Variants in SAFB2 observed in about 807,000 individuals in gnomAD.
SAFB2 encodes the protein scaffold attachment factor B2.
SAFB2 carries 32 observed loss-of-function variants against 100.6 expected under a neutral mutation model. The observed-to-expected ratio is 0.32, with a 90% CI of 0.24 to 0.43. The LOEUF is 0.43. Ranked by LOEUF, SAFB2 falls within the 20% of genes least tolerant of loss-of-function variation. The probability of loss-of-function intolerance (pLI) is 1.00; values close to 1 mark genes in which losing one functional copy is unlikely to be tolerated. For missense variants in SAFB2, 1,185 were observed against 1,163.4 expected (o/e 1.02, Z -0.27); for synonymous variants, 500 against 439.4 (o/e 1.14, Z -1.72).
Position 5,592,886 on chromosome 19 carries a change from G to A in SAFB2, c.2209C>T (p.Arg737Ter), listed in dbSNP as rs980991448. ...CCTTCTGGCCAATAGGCATCATCTC[G>A]TCTGTTGGTTTTTATTTTAAAAGAA... Reference protein sequence around the residue: ...PGRRPYDLDRRDDAYWPEGKR... With the variant: ...PGRRPYDLDR Residue 737 changes from arginine (R) to a stop codon, truncating the protein, a stop_gained and splice_region_variant, in exon 16 of 21, where the codon CGA becomes TGA. Coordinates refer to ENST00000252542, the MANE Select transcript of SAFB2 (RefSeq NM_014649.3). LOFTEE classifies it high-confidence loss of function. 2 of 1,613,750 alleles carry A rather than the reference G, an allele frequency of 1.2e-6. No individual in the cohort carries two copies. The highest frequency in any genetic ancestry group is 2.2e-5 in the East Asian group (1 of 44,866).
rs1263125574 is a variant in SAFB2 at position 5,598,888 on chromosome 19, C to T, written c.1691-4G>A. 2 of 1,613,724 alleles carry T rather than the reference C, an allele frequency of 1.2e-6. No homozygotes were observed. Among genetic ancestry groups the T allele is most frequent in the Non-Finnish European group, 1.7e-6 (2 of 1,179,912 alleles). On this transcript the variant is annotated splice_polypyrimidine_tract_variant and splice_region_variant and intron_variant, in intron 12 of 20. Transcript: ENST00000252542. ...GTCCGCTCCATTCCTCTGCTTCCTTCAGGAAAAAACACAACAAACTATCAA... is the reference window on the plus strand; with the variant it reads ...GTCCGCTCCATTCCTCTGCTTCCTTTAGGAAAAAACACAACAAACTATCAA...
chr19:5,597,699 C>T (rs1317402936), intron 13 of SAFB2, among the ~76,000 whole-genome samples: 3 of 152,182 alleles, frequency 2.0e-5, no homozygotes, highest in Non-Finnish European at 4.4e-5. Context: ...TACTTGTTTT[C>T]AACATCACAG....
At chr19:5,590,210 G>A in intron 18 of SAFB2, 68 bp downstream of exon 18, 1 of 1,349,992 alleles carries the variant, frequency 7.4e-7, no homozygotes, top group Non-Finnish European at 9.8e-7. Flanking sequence ...GGACGTGCCT[G>A]GCCAGGCACC....
intron 9 of SAFB2, among the ~76,000 whole-genome samples, chr19:5,607,553 GC>G (rs2052803040): frequency 6.6e-6 from 1 of 152,106 alleles, no homozygotes; most frequent in Admixed American, 6.6e-5. Context: ...GAGCAAATAA[GC>G]CATCAGTCAT....
chr19:5,619,098 G>T (rs1042661552), intron 2 of SAFB2, among the ~76,000 whole-genome samples: 4 of 152,220 alleles, frequency 2.6e-5, no homozygotes, highest in Non-Finnish European at 5.9e-5. Context: ...CATAGTGCTT[G>T]AAACGAAAAT....
intron 9 of SAFB2, among the ~76,000 whole-genome samples, chr19:5,609,772 C>A (rs145980222): frequency 6.6e-6 from 1 of 152,208 alleles, no homozygotes; most frequent in Non-Finnish European, 1.5e-5. Context: ...AAACAAGGTG[C>A]ACTGCACAAG....
chr19:5,588,664 C>G (rs2052318957), intron 18 of SAFB2, among the ~76,000 whole-genome samples: 1 of 152,094 alleles, frequency 6.6e-6, no homozygotes, highest in African/African-American at 2.4e-5. Context: ...CAAGAAATGA[C>G]TCAAGACGGC....
chr19:5,618,411 C>T (rs752452115), intron 2 of SAFB2, among the ~76,000 whole-genome samples: 2 of 152,100 alleles, frequency 1.3e-5, no homozygotes, highest in African/African-American at 4.8e-5. Context: ...GGGTCTACAC[C>T]TCAAGAGTCT....
At chr19:5,593,836 T>C (rs1568209001) in intron 15 of SAFB2, 55 bp downstream of exon 15, 1 of 1,390,216 alleles carries the variant, frequency 7.2e-7, no homozygotes, top group East Asian at 2.9e-5. Flanking sequence ...GCTGGAAGGG[T>C]GAACACCGCT....
intron 2 of SAFB2, 92 bp from the exon 3 acceptor site, chr19:5,616,578 A>G: frequency 9.5e-7 from 1 of 1,053,378 alleles, no homozygotes; most frequent in Non-Finnish European, 1.5e-6. Flanking sequence ...AGAACAGAAC[A>G]CATTACAAGA....
rs1007455220 is a variant in SAFB2, at chr19:5,616,649, T to C, written c.275-163A>G. 5.4e-5 allele frequency among the ~76,000 whole-genome samples: 7 copies of C among 129,822 alleles called. No individual in the cohort carries two copies. The South Asian group carries it at 8.4e-4, about 16-fold the overall frequency. 85.2% of individuals were successfully genotyped at this position (129,822 alleles called of 152,430 possible). On this transcript the variant is annotated intron_variant, in intron 2 of 20. Transcript: ENST00000252542. ...TTTTGTCTCAATTTGTTTTCTTTTT[T>C]TTTTTTTTTTTTTTTTTTTTGAGAT...
chr19:5,615,780 A>G (rs571149545), intron 4 of SAFB2, among the ~76,000 whole-genome samples: 1 of 152,358 alleles, frequency 6.6e-6, no homozygotes, highest in Non-Finnish European at 1.5e-5. Flanking sequence ...GCCTGTGCCA[A>G]TAAGCCCAGG....
chr19:5,622,328 G>A (rs1052831848), intron 1 of SAFB2, among the ~76,000 whole-genome samples: 1 of 152,138 alleles, frequency 6.6e-6, no homozygotes, highest in Non-Finnish European at 1.5e-5. Context: ...GGTGGAAAGA[G>A]GATAGGAAGG....
chr19:5,591,831 C>A, intron 16 of SAFB2, 38 bp from the exon 17 acceptor site: 3 of 1,609,292 alleles, frequency 1.9e-6, no homozygotes, highest in South Asian at 2.2e-5. Context: ...CAGCACCAGG[C>A]ACGACTACAC....
In SAFB2 at chr19:5,592,752, G is replaced by C; in HGVS notation, c.2343C>G (p.Ile781Met). The C allele has an allele frequency of 6.2e-7, 1 of 1,614,094 alleles. No homozygotes were observed. Among genetic ancestry groups the C allele is most frequent in the Non-Finnish European group, 8.5e-7 (1 of 1,179,996 alleles). ...RDRGQYQDHA[I>M]DRREGSRPMM... ...GAGGGGACAAGACCACTGACCTGTC[G>C]ATGGCGTGGTCCTGGTACTGGCCCC... Residue 781 changes from isoleucine (I) to methionine (M), a missense_variant, in exon 16 of 21, where the codon ATC (isoleucine) becomes ATG (methionine). Coordinates refer to ENST00000252542, the MANE Select transcript of SAFB2 (RefSeq NM_014649.3).
At position 5,610,756 on chromosome 19, in the gene SAFB2, T is replaced by C. The variant is rs1599267020; in HGVS notation, c.1146-68A>G. 45 of 1,151,466 alleles carry C rather than the reference T, an allele frequency of 3.9e-5. No individual in the cohort carries two copies. In the South Asian group the frequency reaches 6.0e-4, roughly 15 times the overall value. 71.3% of individuals were successfully genotyped at this position (1,151,466 alleles called of 1,614,324 possible). ...AAGAGAACAAAACTAAAAATATGAT[T>C]ATGTGCTAAAACTGAATACCTACCA... is the stretch of plus-strand genomic sequence containing the variant. On this transcript the variant is annotated intron_variant, in intron 7 of 20. Transcript: ENST00000252542.
chr19:5,606,349 G>A (rs541122725), intron 9 of SAFB2, among the ~76,000 whole-genome samples: 160 of 152,336 alleles, frequency 1.1e-3, no homozygotes, highest in Non-Finnish European at 1.9e-3. Context: ...GCACAGGCTG[G>A]GCACAGTGGC....
chr19:5,594,225 A>C, intron 14 of SAFB2, 47 bp from the exon 15 acceptor site: 1 of 1,505,160 alleles, frequency 6.6e-7, no homozygotes, highest in East Asian at 2.3e-5. Context: ...GTGAGCCTCC[A>C]AGGAGAAAGC....
intron 15 of SAFB2, among the ~76,000 whole-genome samples, chr19:5,593,312 T>C (rs1568208469): frequency 6.6e-6 from 1 of 152,232 alleles, no homozygotes; most frequent in Non-Finnish European, 1.5e-5. Flanking sequence ...GATGGGGTGA[T>C]AGTGAACTAC....
Sources: allele counts gnomAD v4.1 joint callset (sites outside exome capture counted in the v4.1 genomes callset), GRCh38; gene constraint gnomAD v4.1.1; transcripts MANE v1.5; gene names NCBI Gene and HGNC (gene_info 2026-07-23, HGNC 2026-07-21).